The following ASH1L variants were observed in gnomAD, a reference collection of about 807,000 sequenced individuals.
The protein encoded by ASH1L is ASH1 like histone lysine methyltransferase.
In ASH1L, 23 loss-of-function variants were observed where a neutral mutation model predicts 269.0. That is an observed-to-expected ratio of 0.09 (90% confidence interval 0.06 to 0.12). ASH1L has a LOEUF of 0.12. Ranked by LOEUF, ASH1L falls within the 10% of genes least tolerant of loss-of-function variation. The pLI is 1.00. For missense variants in ASH1L, 2,912 were observed against 3,567.8 expected, an observed-to-expected ratio of 0.82 and a Z score of 4.68; for synonymous variants, 1,187 against 1,253.5, an observed-to-expected ratio of 0.95 and a Z score of 1.12.
chr1:155,393,468 T>C (rs1447212285), intron 7 of ASH1L, among the ~76,000 whole-genome samples: 1 of 152,194 alleles, frequency 6.6e-6, no homozygotes, highest in Non-Finnish European at 1.5e-5. Context: ...ATGTGTTTAA[T>C]GAACCCCTTT....
At chr1:155,401,133 C>CCAGGGTGACAGAGTGAG (rs1236515429) in intron 6 of ASH1L, among the ~76,000 whole-genome samples, 26 of 151,234 alleles carry the variant, frequency 1.7e-4, no homozygotes, top group African/African-American at 6.3e-4. Context: ...TGCACGCCAG[C>CCAGGGTGACAGAGTGAG]CAGGGTGACA....
At chr1:155,477,615 A>T (rs1215828033) in intron 3 of ASH1L, among the ~76,000 whole-genome samples, 1 of 152,160 alleles carries the variant, frequency 6.6e-6, no homozygotes, top group Non-Finnish European at 1.5e-5. Context: ...TGTCTACATA[A>T]AAAAGATGAA....
At chr1:155,536,702 C>T (rs1670081377) in intron 1 of ASH1L, among the ~76,000 whole-genome samples, 1 of 152,036 alleles carries the variant, frequency 6.6e-6, no homozygotes, top group Admixed American at 6.6e-5. Flanking sequence ...CACTGCACTC[C>T]AGCCTGGGTG....
intron 6 of ASH1L, among the ~76,000 whole-genome samples, chr1:155,406,969 T>A (rs1041290631): frequency 6.6e-6 from 1 of 152,046 alleles, no homozygotes; most frequent in Non-Finnish European, 1.5e-5. Flanking sequence ...TAAATGGCCT[T>A]CAAAGATATA....
chr1:155,554,033 G>T (rs1671404160), intron 1 of ASH1L, among the ~76,000 whole-genome samples: 1 of 151,294 alleles, frequency 6.6e-6, no homozygotes, highest in Non-Finnish European at 1.5e-5. Context: ...CTGACCTCGT[G>T]ATCTGCCCAC....
chr1:155,350,838 T>G (rs1033824066), intron 17 of ASH1L, among the ~76,000 whole-genome samples: 2 of 151,444 alleles, frequency 1.3e-5, no homozygotes, highest in Admixed American at 1.3e-4. Flanking sequence ...GGAGAGTTGC[T>G]TGAAGCCGGG....
chr1:155,379,679 C>T (rs1656768837), intron 8 of ASH1L, among the ~76,000 whole-genome samples: 1 of 152,072 alleles, frequency 6.6e-6, no homozygotes, highest in Non-Finnish European at 1.5e-5. Flanking sequence ...TAAGAAGGAG[C>T]CAACAAAAAT....
At chr1:155,423,188 ATC>A (rs1660854423) in intron 5 of ASH1L, among the ~76,000 whole-genome samples, 1 of 145,052 alleles carries the variant, frequency 6.9e-6, no homozygotes, top group African/African-American at 2.6e-5. Context: ...ACCTCAGGTG[ATC>A]TACCCACCTC....
intron 1 of ASH1L, among the ~76,000 whole-genome samples, chr1:155,534,694 G>A (rs1434389889): frequency 6.6e-6 from 1 of 152,244 alleles, no homozygotes; most frequent in Non-Finnish European, 1.5e-5. Context: ...GAAAGTCAAA[G>A]AGAGAGCTGA....
rs764776806 is a variant in ASH1L at position 155,438,380 on chromosome 1, G to A, written c.5775C>T (p.Thr1925=). Residue 1925 remains threonine, a synonymous_variant, in exon 5 of 28, where the codon ACC becomes ACT. Coordinates refer to ENST00000392403, the MANE Select transcript of ASH1L (RefSeq NM_018489.3). The part of the protein sequence containing the change: ...KRKGWLLEEQ[T]RKKQKPLPEE... Reference sequence around the variant, plus strand: ...CTGGTAATGGCTTCTGCTTTTTTCTGGTCTGTTCTTCCAATAGCCAACCTT... The same window carrying A: ...CTGGTAATGGCTTCTGCTTTTTTCTAGTCTGTTCTTCCAATAGCCAACCTT... The A allele has an allele frequency of 6.3e-7, 1 of 1,598,956 alleles. No individual in the cohort carries two copies. The highest frequency in any genetic ancestry group is 8.5e-7 in the Non-Finnish European group (1 of 1,175,696).
At chr1:155,488,525 T>G (rs1346443233) in intron 2 of ASH1L, among the ~76,000 whole-genome samples, 1 of 129,968 alleles carries the variant, frequency 7.7e-6, no homozygotes, top group Non-Finnish European at 1.6e-5. Context: ...AAAAAAAAAA[T>G]TAGCAGGGTG....
intron 6 of ASH1L, among the ~76,000 whole-genome samples, chr1:155,411,381 C>T (rs897276663): frequency 6.6e-6 from 1 of 151,054 alleles, no homozygotes; most frequent in Non-Finnish European, 1.5e-5. Flanking sequence ...TATTTCAGTC[C>T]ATTTTCAGGT....
intron 5 of ASH1L, among the ~76,000 whole-genome samples, chr1:155,425,278 T>G: frequency 8.9e-6 from 1 of 112,766 alleles, no homozygotes; most frequent in Non-Finnish European, 1.8e-5. Context: ...CCCGGCCTAG[T>G]TTTTTTTTTT....
At chr1:155,346,852 C>G (rs375316362) in intron 20 of ASH1L, among the ~76,000 whole-genome samples, 2 of 152,176 alleles carry the variant, frequency 1.3e-5, no homozygotes, top group African/African-American at 4.8e-5. Context: ...CCCAACAATC[C>G]TGTGCGTTAC....
chr1:155,345,172 GTCTT>G (rs1653153512), intron 21 of ASH1L, among the ~76,000 whole-genome samples: 3 of 95,530 alleles, frequency 3.1e-5, no homozygotes, highest in Non-Finnish European at 6.3e-5. Flanking sequence ...AGCCAGGATG[GTCTT>G]TTTTTTTTTT....
At chr1:155,378,990 T>C (rs1381184275) in intron 8 of ASH1L, among the ~76,000 whole-genome samples, 1 of 151,946 alleles carries the variant, frequency 6.6e-6, no homozygotes, top group Non-Finnish European at 1.5e-5. Flanking sequence ...TTGAGAATTA[T>C]AGGAAAACAT....
intron 4 of ASH1L, among the ~76,000 whole-genome samples, chr1:155,450,064 A>G (rs1178684858): frequency 6.6e-6 from 1 of 152,064 alleles, no homozygotes; most frequent in Non-Finnish European, 1.5e-5. Flanking sequence ...GACAGATGTT[A>G]TTTTTCCTTT....
chr1:155,512,951 G>A (rs766194971), intron 2 of ASH1L, among the ~76,000 whole-genome samples: 1 of 151,860 alleles, frequency 6.6e-6, no homozygotes, highest in Admixed American at 6.6e-5. Flanking sequence ...CGGCTTCTTG[G>A]GAGGCTGAGG....
intron 2 of ASH1L, among the ~76,000 whole-genome samples, chr1:155,489,150 T>C (rs1182992316): frequency 1.3e-5 from 2 of 152,174 alleles, no homozygotes; most frequent in Non-Finnish European, 2.9e-5. Context: ...ACCTACTGAC[T>C]GTAATTAAAT....
Sources: allele counts gnomAD v4.1 joint callset (sites outside exome capture counted in the v4.1 genomes callset), GRCh38; gene constraint gnomAD v4.1.1; transcripts MANE v1.5; gene names NCBI Gene and HGNC (gene_info 2026-07-23, HGNC 2026-07-21).